The following XPO1 variants were observed in gnomAD, a reference collection of about 807,000 sequenced individuals.
XPO1 encodes exportin-1.
In XPO1, 5 loss-of-function variants were observed where a neutral mutation model predicts 133.3. The ratio of observed to expected loss-of-function variants is 0.04; its 90% CI spans 0.02 to 0.08. XPO1 has a LOEUF of 0.08. Ranked by LOEUF, XPO1 falls within the 10% of genes least tolerant of loss-of-function variation. The probability of loss-of-function intolerance (pLI) is 1.00; values close to 1 mark genes in which losing one functional copy is unlikely to be tolerated. For synonymous variants in XPO1, 419 were observed against 408.2 expected (o/e 1.03, Z -0.32); for missense variants, 506 against 1,267.5 (o/e 0.40, Z 9.12).
At chr2:61,482,033 C>CTTTTTTTTTTTGTTTTTTT (rs1491506588) in intron 23 of XPO1, among the ~76,000 whole-genome samples, 1 of 86,820 alleles carries the variant, frequency 1.2e-5, no homozygotes. Context: ...CCGTGCGTGG[C>CTTTTTTTTTTTGTTTTTTT]CTTTTTTTTT....
chr2:61,491,499 CCAAAA>C (rs747818924), intron 16 of XPO1, among the ~76,000 whole-genome samples: 11 of 148,780 alleles, frequency 7.4e-5, no homozygotes, highest in South Asian at 4.3e-4. Flanking sequence ...CACACACACC[CCAAAA>C]CAAAACAAAA....
intron 4 of XPO1, among the ~76,000 whole-genome samples, chr2:61,507,778 T>G (rs1697900277): frequency 6.6e-6 from 1 of 152,036 alleles, no homozygotes; most frequent in Admixed American, 6.6e-5. Context: ...CTCGGGAGGC[T>G]GAGGCAGGAG....
intron 2 of XPO1, among the ~76,000 whole-genome samples, chr2:61,529,972 G>T (rs2104812611): frequency 6.6e-6 from 1 of 152,300 alleles, no homozygotes; most frequent in East Asian, 1.9e-4. Flanking sequence ...TTTCATTAAA[G>T]GACTGATGGG....
At chr2:61,491,170 C>T (rs1480044904) in intron 16 of XPO1, among the ~76,000 whole-genome samples, 1 of 151,202 alleles carries the variant, frequency 6.6e-6, no homozygotes, top group South Asian at 2.1e-4. Flanking sequence ...AAACAAACAA[C>T]CCAAACTGGC....
intron 4 of XPO1, among the ~76,000 whole-genome samples, chr2:61,518,420 AC>A (rs1698514545): frequency 1.2e-4 from 2 of 16,398 alleles, no homozygotes; most frequent in Non-Finnish European, 1.2e-4. Context: ...AAAACAAAAC[AC>A]ACACACACAC....
Position 61,511,707 on chromosome 2 carries a change from T to A in XPO1, c.302-9397A>T, listed in dbSNP as rs922036519. Among the ~76,000 whole-genome samples, 3 of 151,956 alleles carry A rather than the reference T, an allele frequency of 2.0e-5. No individual in the cohort carries two copies. The East Asian group carries it at 5.8e-4, about 29-fold the overall frequency. ...AATCACTGTGCCTGGCCTGCCTTGT[T>A]TTTTTTAGAAATGAAAAACATAATT... On this transcript the variant is annotated intron_variant, in intron 4 of 24. Transcript: ENST00000401558.
intron 4 of XPO1, among the ~76,000 whole-genome samples, chr2:61,513,458 C>G (rs1698198178): frequency 6.6e-6 from 1 of 150,954 alleles, no homozygotes; most frequent in East Asian, 1.9e-4. Context: ...CTCTGCCTCC[C>G]CAGTTCAAGC....
intron 3 of XPO1, among the ~76,000 whole-genome samples, chr2:61,524,104 A>G (rs937599574): frequency 1.3e-5 from 2 of 152,210 alleles, no homozygotes; most frequent in African/African-American, 4.8e-5. Context: ...ATTAGCTTTT[A>G]AAAACATACT....
intron 3 of XPO1, chr2:61,525,731 T>A: frequency 9.7e-7 from 1 of 1,027,966 alleles, no homozygotes; most frequent in Non-Finnish European, 1.2e-6. Flanking sequence ...AATTAATATT[T>A]TAAAACTGTT....
chr2:61,482,487 T>G lies in XPO1; in HGVS notation c.2865A>C (p.Glu955Asp). ...ILAYMFNLVE[E>D]GKISTSLNPG... ...GATTTAATGATGTACTTATTTTTCC[T>G]TCTTCAACCAAATTAAACATATATG... The change falls in exon 23 of 25, where the codon GAA becomes GAC. Residue 955 changes from glutamate to aspartate, a missense_variant. This residue lies in a region of XPO1 where 203 missense variants were observed against 365.9 expected (regional missense o/e 0.55). Coordinates refer to ENST00000401558, the MANE Select transcript of XPO1 (RefSeq NM_003400.4). The G allele has an allele frequency of 6.2e-6, 10 of 1,613,214 alleles. No homozygotes were observed. Among genetic ancestry groups the G allele is most frequent in the Non-Finnish European group, 8.5e-6 (10 of 1,179,688 alleles).
chr2:61,529,766 C>T (rs1699073403), intron 2 of XPO1, among the ~76,000 whole-genome samples: 1 of 152,040 alleles, frequency 6.6e-6, no homozygotes, highest in Non-Finnish European at 1.5e-5. Context: ...ATACCACATT[C>T]ATGACTATCC....
At chr2:61,523,771 A>G (rs1698795320) in intron 3 of XPO1, among the ~76,000 whole-genome samples, 1 of 152,174 alleles carries the variant, frequency 6.6e-6, no homozygotes, top group Non-Finnish European at 1.5e-5. Context: ...CACAATATAG[A>G]CTGTCCCAAA....
At chr2:61,494,301 A>G in intron 11 of XPO1, 1 of 476,142 alleles carries the variant, frequency 2.1e-6, no homozygotes, top group Non-Finnish European at 3.8e-6. Flanking sequence ...CTCACATAGT[A>G]GTTGATCAAT....
chr2:61,506,813 C>A (rs1274230360), intron 4 of XPO1, among the ~76,000 whole-genome samples: 1 of 152,086 alleles, frequency 6.6e-6, no homozygotes, highest in Middle Eastern at 3.2e-3. Flanking sequence ...GGACCCATTA[C>A]TGGTCTCTGA....
rs376550982 is a variant in XPO1, at chr2:61,530,464, G to A, written c.126+3308C>T. ...TTGTACTACTAACTGAATGGTGAAA[G>A]CATTTTAGTTGCTAAGCAATAGAGT... On this transcript the variant is annotated intron_variant, in intron 2 of 24. Transcript: ENST00000401558. 2.6e-5 allele frequency among the ~76,000 whole-genome samples: 4 copies of A among 152,154 alleles called. No homozygotes were observed. The East Asian group carries it at 5.8e-4, about 22-fold the overall frequency.
At chr2:61,533,719 A>G in intron 2 of XPO1, 53 bp downstream of exon 2, 2 of 1,402,130 alleles carry the variant, frequency 1.4e-6, no homozygotes, top group Non-Finnish European at 1.9e-6. Flanking sequence ...TTCTAAACCC[A>G]ACAACTCTGT....
chr2:61,510,986 A>G (rs1461432305), intron 4 of XPO1, among the ~76,000 whole-genome samples: 3 of 152,206 alleles, frequency 2.0e-5, no homozygotes, highest in East Asian at 3.9e-4. Flanking sequence ...CTAGGGATCA[A>G]ACACTGTTAG....
At chr2:61,519,017 C>A (rs1698552052) in intron 4 of XPO1, among the ~76,000 whole-genome samples, 1 of 152,048 alleles carries the variant, frequency 6.6e-6, no homozygotes. Flanking sequence ...ATGGCGTGAT[C>A]TCAGCTCACT....
At position 61,502,965 on chromosome 2, in the gene XPO1, C is replaced by CTTTTTTT. The variant is rs201077547; in HGVS notation, c.302-662_302-656dup. Among the ~76,000 whole-genome samples the CTTTTTTT allele has an allele frequency of 8.0e-3, 1,108 of 138,032 alleles. 16 individuals are homozygous for CTTTTTTT. The highest frequency in any genetic ancestry group is 0.028 in the African/African-American group (1,022 of 36,698). 90.6% of individuals were successfully genotyped at this position (138,032 alleles called of 152,430 possible). On this transcript the variant is annotated intron_variant, in intron 4 of 24. Coordinates refer to ENST00000401558, the MANE Select transcript of XPO1 (RefSeq NM_003400.4). ...TGATTTGGTTCCATGTGTTTCTTTTCTTTTTTTTTTTTTTTTTTGAGACGG... is the reference window on the plus strand; with the variant it reads ...TGATTTGGTTCCATGTGTTTCTTTTCTTTTTTTTTTTTTTTTTTTTTTTTTGAGACGG...
Sources: allele counts gnomAD v4.1 joint callset (sites outside exome capture counted in the v4.1 genomes callset), GRCh38; gene constraint gnomAD v4.1.1; regional missense constraint gnomAD v4.1.1; transcripts MANE v1.5; gene names NCBI Gene and HGNC (gene_info 2026-07-23, HGNC 2026-07-21).